Variants in NCOR1 observed in about 807,000 individuals in gnomAD.
The protein encoded by NCOR1 is protein phosphatase 1, regulatory subunit 109.
A neutral mutation model predicts 288.1 loss-of-function variants in NCOR1; 63 were observed. That is an observed-to-expected ratio of 0.22 (90% CI 0.18 to 0.27). The LOEUF is 0.27. Ranked by LOEUF, NCOR1 falls within the 10% of genes least tolerant of loss-of-function variation. The probability of loss-of-function intolerance (pLI) is 1.00; values close to 1 mark genes in which losing one functional copy is unlikely to be tolerated. For synonymous variants in NCOR1, 1,007 were observed against 1,065.9 expected, an observed-to-expected ratio of 0.94 and a Z score of 1.08; for missense variants, 2,397 against 3,019.2, an observed-to-expected ratio of 0.79 and a Z score of 4.83.
chr17:16,092,668 TATATATATATATATATA>T lies in NCOR1; in HGVS notation c.2821-627_2821-611del, dbSNP rs2065453638. Among the ~76,000 whole-genome samples the T allele has an allele frequency of 2.8e-4, 4 of 14,330 alleles. 1 individual carries two copies. Among genetic ancestry groups the T allele is most frequent in the South Asian group, 6.8e-3 (2 of 294 alleles). 9.4% of individuals were successfully genotyped at this position (14,330 alleles called of 152,430 possible). On this transcript the variant is annotated intron_variant, in intron 21 of 45. Transcript: ENST00000268712. Reference sequence around the variant, plus strand: ...CCATTTATATATATATATATATATATATATATATATATATATATATATATATATTTTTTTTTTTTTTT... The same window carrying T: ...CCATTTATATATATATATATATATATTATATATATATTTTTTTTTTTTTTT...
chr17:16,158,050 T>G (rs558905238), intron 6 of NCOR1, among the ~76,000 whole-genome samples: 2 of 152,066 alleles, frequency 1.3e-5, no homozygotes, highest in Non-Finnish European at 2.9e-5. Context: ...CTCGGCTCAC[T>G]ACAACCTCTA....
rs1971851380 is a variant in NCOR1, at chr17:16,030,804, C to T, written c.*1492G>A. On this transcript the variant is annotated 3_prime_UTR_variant, in exon 46 of 46. Transcript: ENST00000268712. ...CTTCATCTGTAACATAGGGATTAGA[C>T]ACCAGTGATAGGAGGGTCTTGGTCA... 1 of 183,086 alleles carries T rather than the reference C, an allele frequency of 5.5e-6. No homozygotes were observed. The allele number at this position is 183,086 out of a possible 1,614,324, so 11.3% of individuals were successfully genotyped here.
chr17:16,128,227 A>G (rs2075055317), intron 14 of NCOR1, among the ~76,000 whole-genome samples: 1 of 152,174 alleles, frequency 6.6e-6, no homozygotes. Context: ...GGACTCACCT[A>G]AACATGCCCA....
At chr17:16,149,415 C>A in intron 9 of NCOR1, 36 bp downstream of exon 9, 1 of 1,248,492 alleles carries the variant, frequency 8.0e-7, no homozygotes, top group Non-Finnish European at 1.1e-6. Context: ...AATGGGAAAG[C>A]TGTATAAATT....
At chr17:16,193,202 T>C (rs2088932889) in intron 2 of NCOR1, among the ~76,000 whole-genome samples, 1 of 152,170 alleles carries the variant, frequency 6.6e-6, no homozygotes, top group South Asian at 2.1e-4. Flanking sequence ...TATAGATATA[T>C]GTGTATATAT....
intron 11 of NCOR1, among the ~76,000 whole-genome samples, chr17:16,143,141 T>C (rs1275219238): frequency 6.6e-6 from 1 of 152,184 alleles, no homozygotes; most frequent in African/African-American, 2.4e-5. Context: ...CAACACCCTT[T>C]GAAGAACATA....
At chr17:16,128,011 CTCAAG>C (rs2075015977) in intron 14 of NCOR1, among the ~76,000 whole-genome samples, 1 of 152,008 alleles carries the variant, frequency 6.6e-6, no homozygotes, top group South Asian at 2.1e-4. Flanking sequence ...AACTCCTGAC[CTCAAG>C]TGATTCTCCC....
chr17:16,200,658 T>G (rs2090668688), intron 1 of NCOR1, among the ~76,000 whole-genome samples: 2 of 152,104 alleles, frequency 1.3e-5, no homozygotes, highest in Non-Finnish European at 2.9e-5. Flanking sequence ...ATATGTAATT[T>G]TTACGTGATA....
chr17:16,185,008 C>CAAAAAAA (rs34725978), intron 3 of NCOR1, among the ~76,000 whole-genome samples: 19 of 97,266 alleles, frequency 2.0e-4, no homozygotes, highest in Admixed American at 2.4e-4. Context: ...GAATCTTAAA[C>CAAAAAAA]AAAAAAAAAA....
Position 16,118,864 on chromosome 17 carries a change from G to A in NCOR1, c.1915+559C>T, listed in dbSNP as rs566809864. 9.2e-5 allele frequency among the ~76,000 whole-genome samples: 14 copies of A among 152,270 alleles called. No individual in the cohort carries two copies. In the South Asian group the frequency reaches 1.7e-3, roughly 18 times the overall value. ...GACAGAAAAGCACAAAGTCCATAAAGTGCCAGAGTAAGAGGAAGGCCACAA... is the reference window on the plus strand; with the variant it reads ...GACAGAAAAGCACAAAGTCCATAAAATGCCAGAGTAAGAGGAAGGCCACAA... On this transcript the variant is annotated intron_variant, in intron 17 of 45. Transcript: ENST00000268712.
intron 17 of NCOR1, among the ~76,000 whole-genome samples, chr17:16,118,506 A>C (rs2153126133): frequency 6.6e-6 from 1 of 152,358 alleles, no homozygotes; most frequent in Non-Finnish European, 1.5e-5. Flanking sequence ...GAAAAATACT[A>C]GCCAATTTAA....
intron 2 of NCOR1, among the ~76,000 whole-genome samples, chr17:16,188,915 C>G (rs2153535949): frequency 6.6e-6 from 1 of 152,098 alleles, no homozygotes; most frequent in South Asian, 2.1e-4. Flanking sequence ...ATCCCAGCTA[C>G]TCCAGAGGCT....
intron 20 of NCOR1, among the ~76,000 whole-genome samples, chr17:16,099,276 A>G (rs1196155678): frequency 1.3e-5 from 2 of 152,168 alleles, no homozygotes; most frequent in African/African-American, 4.8e-5. Context: ...ACTTGAGGAA[A>G]TTTTGTACTA....
At chr17:16,197,255 A>G (rs2090014938) in intron 1 of NCOR1, among the ~76,000 whole-genome samples, 1 of 151,590 alleles carries the variant, frequency 6.6e-6, no homozygotes, top group Admixed American at 6.6e-5. Context: ...TGAGAGGCAG[A>G]GGTTGCAGTG....
chr17:16,079,864 GA>G, intron 26 of NCOR1, 99 bp downstream of exon 26: 3 of 986,844 alleles, frequency 3.0e-6, no homozygotes, highest in South Asian at 1.5e-5. Flanking sequence ...CCATAATGCA[GA>G]AAAATGAACT....
chr17:16,161,238 C>CAG (rs1555747701), intron 5 of NCOR1, among the ~76,000 whole-genome samples: 1 of 37,674 alleles, frequency 2.7e-5, no homozygotes, highest in East Asian at 2.8e-4. Context: ...CAGACACACA[C>CAG]ACACACACAC....
At chr17:16,124,458 A>G (rs962086235) in intron 15 of NCOR1, among the ~76,000 whole-genome samples, 3 of 152,256 alleles carry the variant, frequency 2.0e-5, no homozygotes, top group African/African-American at 7.2e-5. Flanking sequence ...AACATTCTAC[A>G]TCACAATTGT....
chr17:16,145,863 A>T (rs986888124), intron 10 of NCOR1, among the ~76,000 whole-genome samples: 1 of 152,156 alleles, frequency 6.6e-6, no homozygotes, highest in Non-Finnish European at 1.5e-5. Flanking sequence ...GAGGGGGGGA[A>T]ATGTGGCGAG....
chr17:16,213,051 T>C (rs2092279207), intron 1 of NCOR1, among the ~76,000 whole-genome samples: 3 of 109,682 alleles, frequency 2.7e-5, no homozygotes, highest in Non-Finnish European at 6.0e-5. Flanking sequence ...AAAGAGACCC[T>C]GTCTCCAAAA....
Sources: gnomAD v4.1 joint callset for allele counts (sites outside exome capture counted in the v4.1 genomes callset) on GRCh38, gnomAD v4.1.1 for gene constraint, MANE v1.5 for transcripts, NCBI Gene and HGNC (gene_info 2026-07-23, HGNC 2026-07-21) for gene names.